Variants in SUGT1 observed in about 807,000 individuals in gnomAD.
SUGT1 encodes protein SGT1 homolog.
In SUGT1, 15 loss-of-function variants were observed where a neutral mutation model predicts 56.1. That is an observed-to-expected ratio of 0.27 (90% CI 0.18 to 0.41). SUGT1 has a LOEUF of 0.41. SUGT1 is among the 10% of genes least tolerant of loss of function. The pLI is 1.00. For missense variants in SUGT1, 347 were observed against 382.2 expected, an observed-to-expected ratio of 0.91 and a Z score of 0.77; for synonymous variants, 123 against 128.6, an observed-to-expected ratio of 0.96 and a Z score of 0.30.
intron 2 of SUGT1, among the ~76,000 whole-genome samples, chr13:52,656,765 T>C (rs1962185029): frequency 6.6e-6 from 1 of 152,246 alleles, no homozygotes; most frequent in East Asian, 1.9e-4. Flanking sequence ...GAAATAATTT[T>C]ACCATTTAAG....
Position 52,697,776 on chromosome 13 carries a change from C to T in SUGT1, c.*9941C>T, listed in dbSNP as rs560344644. The T allele has an allele frequency of 6.6e-6, 1 of 152,230 alleles. No homozygotes were observed. Among genetic ancestry groups the T allele is most frequent in the African/African-American group, 2.4e-5 (1 of 41,534 alleles). 9.4% of individuals were successfully genotyped at this position (152,230 alleles called of 1,614,324 possible). On this transcript the variant is annotated 3_prime_UTR_variant, in exon 13 of 13. Transcript: ENST00000310528. ...GAAAAAGAACTTGGTTCATGACATC[C>T]ACTCATTCATTTATGCACTTAGCAA...
intron 12 of SUGT1, among the ~76,000 whole-genome samples, chr13:52,681,167 C>G (rs1963357225): frequency 6.6e-6 from 1 of 151,226 alleles, no homozygotes; most frequent in Non-Finnish European, 1.5e-5. Flanking sequence ...TTTTTTTCAT[C>G]ACTTTTGGGA....
At chr13:52,673,705 G>C (rs980591077) in intron 10 of SUGT1, among the ~76,000 whole-genome samples, 24 of 152,204 alleles carry the variant, frequency 1.6e-4, no homozygotes, top group African/African-American at 5.5e-4. Flanking sequence ...GTGAATATAG[G>C]GTGGCCTGTG....
intron 10 of SUGT1, among the ~76,000 whole-genome samples, chr13:52,674,081 G>C (rs1466490448): frequency 2.0e-5 from 2 of 99,986 alleles, no homozygotes; most frequent in Non-Finnish European, 3.7e-5. Context: ...TTTTGACAGA[G>C]TCTCGCTCTG....
chr13:52,656,668 C>T (rs1594227772), intron 2 of SUGT1, among the ~76,000 whole-genome samples: 1 of 152,138 alleles, frequency 6.6e-6, no homozygotes, highest in Non-Finnish European at 1.5e-5. Flanking sequence ...ACTGTAACCC[C>T]ATGTGAGTTG....
At chr13:52,684,932 G>A (rs1819739398) in intron 12 of SUGT1, among the ~76,000 whole-genome samples, 1 of 150,282 alleles carries the variant, frequency 6.7e-6, no homozygotes, top group Admixed American at 6.6e-5. Flanking sequence ...CCTTGTTTGT[G>A]CCCCTTGGTG....
rs567268777 is a variant in SUGT1 at position 52,693,855 on chromosome 13, T to A, written c.*6020T>A. 1 of 152,328 alleles carries A rather than the reference T, an allele frequency of 6.6e-6. No homozygotes were observed. The highest frequency in any genetic ancestry group is 1.9e-4 in the East Asian group (1 of 5,190). The allele number at this position is 152,328 out of a possible 1,614,324, so 9.4% of individuals were successfully genotyped here. ...ATGCTAGCACTGATCCTGCTGAAAT[T>A]GTTACAAAATACAGCAGTTGCCCCT... is the stretch of plus-strand genomic sequence containing the variant. On this transcript the variant is annotated 3_prime_UTR_variant, in exon 13 of 13. Coordinates refer to ENST00000310528, the MANE Select transcript of SUGT1 (RefSeq NM_006704.5).
At chr13:52,671,800 A>G (rs968397859) in intron 10 of SUGT1, among the ~76,000 whole-genome samples, 3 of 152,158 alleles carry the variant, frequency 2.0e-5, no homozygotes, top group East Asian at 3.8e-4. Flanking sequence ...TTATGGTCAT[A>G]TATCTAACCA....
At chr13:52,662,751 A>C in intron 6 of SUGT1, 49 bp downstream of exon 6, 1 of 1,574,864 alleles carries the variant, frequency 6.3e-7, no homozygotes, top group Non-Finnish European at 8.6e-7. Flanking sequence ...AGAAGTAAAC[A>C]TCTGAAATTT....
chr13:52,676,132 TA>T, intron 10 of SUGT1, 97 bp from the exon 11 acceptor site: 1 of 848,930 alleles, frequency 1.2e-6, no homozygotes, highest in Non-Finnish European at 1.8e-6. Context: ...TCAAAGATAC[TA>T]TTCTTAACAA....
chr13:52,667,079 C>A (rs541723889), intron 10 of SUGT1, among the ~76,000 whole-genome samples, 160 bp downstream of exon 10: 1 of 152,206 alleles, frequency 6.6e-6, no homozygotes, highest in African/African-American at 2.4e-5. Context: ...GGTTATTTTA[C>A]CTCTCAAATT....
At position 52,699,201 on chromosome 13, in the gene SUGT1, T is replaced by TG. The variant is rs1432349247; in HGVS notation, c.*11372dup. ...ATGATGCTTTTTTTCTTCTTAATCTTGGGGGGTCATTATGATTAAGTTATT... is the reference window on the plus strand; with the variant it reads ...ATGATGCTTTTTTTCTTCTTAATCTTGGGGGGGTCATTATGATTAAGTTATT... On this transcript the variant is annotated 3_prime_UTR_variant, in exon 13 of 13. Coordinates refer to ENST00000310528, the MANE Select transcript of SUGT1 (RefSeq NM_006704.5). The TG allele has an allele frequency of 6.6e-6, 1 of 152,122 alleles. No individual in the cohort carries two copies. The highest frequency in any genetic ancestry group is 1.5e-5 in the Non-Finnish European group (1 of 68,020). 9.4% of individuals were successfully genotyped at this position (152,122 alleles called of 1,614,324 possible). A position where few individuals can be genotyped will look rare whatever the true frequency, so the allele number is the denominator to read the frequency against.
chr13:52,679,936 A>C, intron 11 of SUGT1, 38 bp from the exon 12 acceptor site: 1 of 1,547,748 alleles, frequency 6.5e-7, no homozygotes, highest in Non-Finnish European at 8.7e-7. Context: ...TAATTGAAAC[A>C]TGTTGATTAA....
rs1438975612 is a variant in SUGT1 at position 52,694,288 on chromosome 13, G to A, written c.*6453G>A. ...GAAATCCTAGAGAAGATTTTTTTGTGTTGTAAGTTCAGTCTTTCAAGATGT... is the reference window on the plus strand; with the variant it reads ...GAAATCCTAGAGAAGATTTTTTTGTATTGTAAGTTCAGTCTTTCAAGATGT... On this transcript the variant is annotated 3_prime_UTR_variant, in exon 13 of 13. Transcript: ENST00000310528. 7 of 152,134 alleles carry A rather than the reference G, an allele frequency of 4.6e-5. No homozygotes were observed. Among genetic ancestry groups the A allele is most frequent in the Non-Finnish European group, 7.4e-5 (5 of 68,014 alleles). The allele number at this position is 152,134 out of a possible 1,614,324, so 9.4% of individuals were successfully genotyped here.
At chr13:52,681,936 C>T (rs1963394005) in intron 12 of SUGT1, among the ~76,000 whole-genome samples, 1 of 148,934 alleles carries the variant, frequency 6.7e-6, no homozygotes, top group Non-Finnish European at 1.5e-5. Context: ...CACCCCCACC[C>T]TTCCATGATC....
chr13:52,664,686 A>T (rs1328582326), intron 8 of SUGT1, among the ~76,000 whole-genome samples: 3 of 152,184 alleles, frequency 2.0e-5, no homozygotes, highest in Non-Finnish European at 4.4e-5. Flanking sequence ...AATGGCCTGG[A>T]AAAGTTAAAA....
Position 52,697,801 on chromosome 13 carries a change from A to G in SUGT1, c.*9966A>G, listed in dbSNP as rs1376877691. On this transcript the variant is annotated 3_prime_UTR_variant, in exon 13 of 13. Coordinates refer to ENST00000310528, the MANE Select transcript of SUGT1 (RefSeq NM_006704.5). Reference sequence around the variant, plus strand: ...CACTCATTCATTTATGCACTTAGCAAATATTCATTGATTGCCAAATACGCA... The same window carrying G: ...CACTCATTCATTTATGCACTTAGCAGATATTCATTGATTGCCAAATACGCA... 6.6e-6 allele frequency: 1 copy of G among 152,206 alleles called. No homozygotes were observed. Among genetic ancestry groups the G allele is most frequent in the Non-Finnish European group, 1.5e-5 (1 of 68,046 alleles). The allele number at this position is 152,206 out of a possible 1,614,324, so 9.4% of individuals were successfully genotyped here.
At chr13:52,660,315 T>G (rs1962383219) in intron 5 of SUGT1, among the ~76,000 whole-genome samples, 1 of 152,208 alleles carries the variant, frequency 6.6e-6, no homozygotes, top group Admixed American at 6.5e-5. Flanking sequence ...CTTTATGCAA[T>G]GTCTGAAGAG....
At chr13:52,676,730 A>G (rs1963157775) in intron 11 of SUGT1, among the ~76,000 whole-genome samples, 1 of 152,066 alleles carries the variant, frequency 6.6e-6, no homozygotes, top group African/African-American at 2.4e-5. Context: ...CTGTCATCTA[A>G]TTGCCTGGAA....
Sources: gnomAD v4.1 joint callset for allele counts (sites outside exome capture counted in the v4.1 genomes callset) on GRCh38, gnomAD v4.1.1 for gene constraint, MANE v1.5 for transcripts, NCBI Gene and HGNC (gene_info 2026-07-23, HGNC 2026-07-21) for gene names.